The following FGD4 variants were observed in gnomAD, a reference collection of about 807,000 sequenced individuals.
FGD4 encodes the protein FYVE, RhoGEF and PH domain-containing protein 4.
FGD4 carries 42 observed loss-of-function variants against 102.0 expected under a neutral mutation model. The observed-to-expected ratio is 0.41, with a 90% CI of 0.32 to 0.53. The LOEUF (loss-of-function observed/expected upper bound fraction) is 0.53, where lower values mean the gene tolerates loss of function less well. FGD4 is among the 20% of genes least tolerant of loss of function. The pLI is 0.21. For missense variants in FGD4, 902 were observed against 1,078.2 expected (o/e 0.84, Z 2.29); for synonymous variants, 380 against 375.7 (o/e 1.01, Z -0.13).
At position 32,625,887 on chromosome 12, in the gene FGD4, A is replaced by T. The variant is rs886255709; in HGVS notation, c.2172+108A>T. 4.7e-6 allele frequency: 7 copies of T among 1,498,446 alleles called. No homozygotes were observed. In the Admixed American group the frequency reaches 1.0e-4, roughly 22 times the overall value. The allele number at this position is 1,498,446 out of a possible 1,614,324, so 92.8% of individuals were successfully genotyped here. A position where few individuals can be genotyped will look rare whatever the true frequency, so the allele number is the denominator to read the frequency against. On this transcript the variant is annotated intron_variant, in intron 14 of 16. Coordinates refer to ENST00000534526, the MANE Select transcript of FGD4 (RefSeq NM_001370298.3). The stretch of plus-strand genomic sequence containing the variant: ...TGACTTTCAACAAATCACTTAATAA[A>T]TTTATTTTGGTGCCAATTACGTGCA...
At chr12:32,510,879 G>C (rs1939291484) in intron 1 of FGD4, among the ~76,000 whole-genome samples, 1 of 152,212 alleles carries the variant, frequency 6.6e-6, no homozygotes, top group Non-Finnish European at 1.5e-5. Context: ...ACTTTGGAAA[G>C]AGTCTTTTTA....
chr12:32,487,656 A>G (rs1943951043), intron 1 of FGD4, among the ~76,000 whole-genome samples: 1 of 152,156 alleles, frequency 6.6e-6, no homozygotes, highest in Non-Finnish European at 1.5e-5. Context: ...TGAACTCCGG[A>G]CCTCAAGTGA....
intron 1 of FGD4, among the ~76,000 whole-genome samples, chr12:32,412,596 G>T (rs1409234116): frequency 2.0e-5 from 3 of 152,084 alleles, no homozygotes; most frequent in African/African-American, 4.8e-5. Context: ...GGGCAATAGG[G>T]AGTCCCCTTT....
chr12:32,444,369 GT>G (rs1942550498), intron 1 of FGD4, among the ~76,000 whole-genome samples: 1 of 152,028 alleles, frequency 6.6e-6, no homozygotes, highest in South Asian at 2.1e-4. Context: ...TTTTAATGCA[GT>G]TCCATGGAAC....
At chr12:32,532,253 CA>C (rs1419645082) in intron 1 of FGD4, among the ~76,000 whole-genome samples, 4 of 152,122 alleles carry the variant, frequency 2.6e-5, no homozygotes, top group African/African-American at 9.7e-5. Context: ...GTATCTCTCT[CA>C]AAATATTATA....
Position 32,619,758 on chromosome 12 carries a change from G to T in FGD4, c.1810G>T (p.Val604Phe), listed in dbSNP as rs1949687344. Residue 604 changes from valine to phenylalanine, a missense_variant, in exon 11 of 17, where the codon GTT becomes TTT. By Grantham distance (50) the Val-to-Phe change is conservative. Coordinates refer to ENST00000534526, the MANE Select transcript of FGD4 (RefSeq NM_001370298.3). ...CAGCTTGGTAGGCTCTAAATTCACA[G>T]TTCGAACCAGGGTTGGCATTGATGG... ...KFSLVGSKFTVRTRVGIDGMK... is the reference protein window; with the variant it reads ...KFSLVGSKFTFRTRVGIDGMK... 2 of 1,613,986 alleles carry T rather than the reference G, an allele frequency of 1.2e-6. No individual in the cohort carries two copies. Among genetic ancestry groups the T allele is most frequent in the African/African-American group, 2.7e-5 (2 of 74,894 alleles).
At chr12:32,576,214 T>A in intron 2 of FGD4, 52 bp from the exon 3 acceptor site, 1 of 1,529,222 alleles carries the variant, frequency 6.5e-7, no homozygotes. Flanking sequence ...GAATTTTTAT[T>A]GTTATTGAAC....
At chr12:32,434,842 AG>A (rs1942169386) in intron 1 of FGD4, among the ~76,000 whole-genome samples, 1 of 152,218 alleles carries the variant, frequency 6.6e-6, no homozygotes, top group Non-Finnish European at 1.5e-5. Flanking sequence ...GCTATATATG[AG>A]TCAGAGGATT....
chr12:32,457,032 A>G (rs1307578995), intron 1 of FGD4, among the ~76,000 whole-genome samples: 2 of 152,214 alleles, frequency 1.3e-5, no homozygotes, highest in African/African-American at 2.4e-5. Flanking sequence ...GGTGTATCCT[A>G]TTCTAAGCTC....
intron 1 of FGD4, among the ~76,000 whole-genome samples, chr12:32,552,871 G>A (rs1943802533): frequency 6.6e-6 from 1 of 150,858 alleles, no homozygotes; most frequent in Admixed American, 6.6e-5. Flanking sequence ...TCCACCTCCT[G>A]GGTTCAAGCG....
intron 1 of FGD4, among the ~76,000 whole-genome samples, chr12:32,512,482 C>T (rs1301648738): frequency 6.6e-6 from 1 of 151,906 alleles, no homozygotes; most frequent in East Asian, 1.9e-4. Context: ...GTTCATGACT[C>T]TGAGCTCATT....
chr12:32,536,007 C>T (rs11052057), intron 1 of FGD4, among the ~76,000 whole-genome samples: 85 of 151,784 alleles, frequency 5.6e-4, no homozygotes, highest in Non-Finnish European at 1.0e-3. Flanking sequence ...CCTGCCTACA[C>T]TACTGGATAA....
At chr12:32,520,714 G>T (rs1940453291) in intron 1 of FGD4, among the ~76,000 whole-genome samples, 2 of 152,068 alleles carry the variant, frequency 1.3e-5, no homozygotes, top group South Asian at 4.1e-4. Context: ...GGGATTACAG[G>T]CATGAGCCAC....
rs115173894 is a variant in FGD4 at position 32,643,070 on chromosome 12, C to A, written c.*2537C>A. ...TCCAAGTCATCTTTTCTTTAAAGTG[C>A]CCTTCCTCCAAACTTTAAAAAGTAC... is the stretch of plus-strand genomic sequence containing the variant. On this transcript the variant is annotated 3_prime_UTR_variant, in exon 17 of 17. Transcript: ENST00000534526. 1,700 of 152,606 alleles carry A rather than the reference C, an allele frequency of 0.011. 24 individuals carry two copies. Among genetic ancestry groups the A allele is most frequent in the African/African-American group, 0.037 (1,527 of 41,558 alleles). 9.5% of individuals were successfully genotyped at this position (152,606 alleles called of 1,614,324 possible). A position where few individuals can be genotyped will look rare whatever the true frequency, so the allele number is the denominator to read the frequency against.
rs76708575 is a variant in FGD4, at chr12:32,446,859, T to C, written c.166+46900T>C. ...GGAACAGCGCGTACAGGAAGTGATG[T>C]TGATCTGGTTCCTGGAGCACAGGTA... On this transcript the variant is annotated intron_variant, in intron 1 of 16. Coordinates refer to ENST00000534526, the MANE Select transcript of FGD4 (RefSeq NM_001370298.3). Among the ~76,000 whole-genome samples the C allele has an allele frequency of 5.7e-3, 874 of 152,290 alleles. 5 individuals are homozygous for C. The highest frequency in any genetic ancestry group is 0.02 in the African/African-American group (819 of 41,554).
rs80346888 is a variant in FGD4, at chr12:32,641,825, T to G, written c.*1292T>G. 2.4e-3 allele frequency: 360 copies of G among 152,266 alleles called. 2 individuals carry two copies. Among genetic ancestry groups the G allele is most frequent in the African/African-American group, 8.1e-3 (337 of 41,558 alleles). 9.4% of individuals were successfully genotyped at this position (152,266 alleles called of 1,614,324 possible). A position where few individuals can be genotyped will look rare whatever the true frequency, so the allele number is the denominator to read the frequency against. ...GGTGGGGGCTGGTCACATGATTCCT[T>G]GTCATGAAGGCTGCTCTTCACTCTT... On this transcript the variant is annotated 3_prime_UTR_variant, in exon 17 of 17. Coordinates refer to ENST00000534526, the MANE Select transcript of FGD4 (RefSeq NM_001370298.3).
intron 3 of FGD4, among the ~76,000 whole-genome samples, chr12:32,581,629 T>A (rs1223942165): frequency 6.6e-6 from 1 of 152,176 alleles, no homozygotes; most frequent in African/African-American, 2.4e-5. Context: ...TACTAACTAG[T>A]CACATTATTA....
chr12:32,601,550 A>G, intron 6 of FGD4, 127 bp downstream of exon 6: 1 of 1,140,404 alleles, frequency 8.8e-7, no homozygotes, highest in Non-Finnish European at 1.2e-6. Context: ...TACATTAAAG[A>G]CTACTGATAG....
intron 1 of FGD4, among the ~76,000 whole-genome samples, chr12:32,405,954 A>C (rs1242236567): frequency 6.7e-6 from 1 of 150,194 alleles, no homozygotes; most frequent in Admixed American, 6.6e-5. Flanking sequence ...ATTTTATTTT[A>C]TTTTTTGAGA....
Sources: gnomAD v4.1 joint callset for allele counts (sites outside exome capture counted in the v4.1 genomes callset) on GRCh38, gnomAD v4.1.1 for gene constraint, MANE v1.5 for transcripts, NCBI Gene and HGNC (gene_info 2026-07-23, HGNC 2026-07-21) for gene names.